The following TRIM10 variants were observed in gnomAD, a reference collection of about 807,000 sequenced individuals.
TRIM10 encodes the protein tripartite motif containing 10, also known as tripartite motif-containing protein 10.
A neutral mutation model predicts 40.0 loss-of-function variants in TRIM10; 42 were observed. The ratio of observed to expected loss-of-function variants is 1.05; its 90% confidence interval spans 0.82 to 1.36. The LOEUF (loss-of-function observed/expected upper bound fraction) is 1.36. Among genes scored for constraint, TRIM10 ranks in the 40% most tolerant of loss-of-function variants. The pLI, the probability that TRIM10 is intolerant of heterozygous loss-of-function variation, is 0.00. For missense variants in TRIM10, 601 were observed against 608.3 expected, an observed-to-expected ratio of 0.99 and a Z score of 0.13; for synonymous variants, 260 against 239.5, an observed-to-expected ratio of 1.09 and a Z score of -0.79.
chr6:30,156,565 A>ATCC (rs1772547745), intron 5 of TRIM10, among the ~76,000 whole-genome samples: 1 of 152,264 alleles, frequency 6.6e-6, no homozygotes, highest in Non-Finnish European at 1.5e-5. Context: ...GTTGTTGGCT[A>ATCC]TTAATTAACA....
Position 30,161,032 on chromosome 6 carries a change from T to C in TRIM10, c.-174A>G, listed in dbSNP as rs1399787654. ...CTTGCATCTCTGGCAGCCAGGGTTC[T>C]ATTCTCCTGCCAACAGCAGAGATGG... On this transcript the variant is annotated 5_prime_UTR_variant, in exon 1 of 7. In the 5' UTR this introduces an upstream ATG that the reference lacks. Transcript: ENST00000449742. The C allele has an allele frequency of 3.0e-6, 2 of 662,630 alleles. No homozygotes were observed. The highest frequency in any genetic ancestry group is 1.8e-5 in the African/African-American group (1 of 55,034). 41.0% of individuals were successfully genotyped at this position (662,630 alleles called of 1,614,324 possible). A position where few individuals can be genotyped will look rare whatever the true frequency, so the allele number is the denominator to read the frequency against.
At chr6:30,162,810 T>C (rs1026827258), upstream of TRIM10, among the ~76,000 whole-genome samples, 8 of 152,242 alleles carry the variant, frequency 5.3e-5, 1 homozygote, top group Admixed American at 3.9e-4. Context: ...AATGTAGTAA[T>C]ATAAAAATAC....
At chr6:30,154,677 A>T in intron 6 of TRIM10, 191 bp from the exon 7 acceptor site, 1 of 750,562 alleles carries the variant, frequency 1.3e-6, no homozygotes, top group Non-Finnish European at 2.3e-6. Flanking sequence ...CTGCATCCTA[A>T]CAAGATGCCC....
Position 30,154,596 on chromosome 6 carries a change from C to T in TRIM10, c.929-110G>A, listed in dbSNP as rs576649498. ...CTGTTAGTGTTATTATTACCAAAAA[C>T]ATGTATAGTGCCTACGTGGGCCAAC... is the stretch of plus-strand genomic sequence containing the variant. On this transcript the variant is annotated intron_variant, in intron 6 of 6. Coordinates refer to ENST00000449742, the MANE Select transcript of TRIM10 (RefSeq NM_006778.4). 1.3e-5 allele frequency: 18 copies of T among 1,395,688 alleles called. No homozygotes were observed. The African/African-American group carries it at 2.4e-4, about 19-fold the overall frequency. The allele number at this position is 1,395,688 out of a possible 1,614,324, so 86.5% of individuals were successfully genotyped here. A position where few individuals can be genotyped will look rare whatever the true frequency, so the allele number is the denominator to read the frequency against.
chr6:30,155,674 C>A, intron 6 of TRIM10, 53 bp downstream of exon 6: 1 of 1,594,116 alleles, frequency 6.3e-7, no homozygotes, highest in Non-Finnish European at 8.6e-7. Flanking sequence ...GCAAAATTTT[C>A]TCTCCTTTCC....
At chr6:30,158,358 AG>A in intron 3 of TRIM10, 40 bp downstream of exon 3, 1 of 1,535,970 alleles carries the variant, frequency 6.5e-7, no homozygotes, top group Non-Finnish European at 9.0e-7. Flanking sequence ...CAAGAGTCAC[AG>A]GACAGCACAG....
chr6:30,156,776 C>T (rs868364317), intron 5 of TRIM10, 163 bp downstream of exon 5: 7 of 711,972 alleles, frequency 9.8e-6, no homozygotes, highest in Admixed American at 4.0e-5. Context: ...GTCACAATAT[C>T]CTAATAGGCA....
At chr6:30,163,721 C>G, upstream of TRIM10, 1 of 1,612,484 alleles carries the variant, frequency 6.2e-7, no homozygotes, top group Non-Finnish European at 8.5e-7. Flanking sequence ...GGTCCATGAG[C>G]TGCCTGCCTG....
upstream of TRIM10, among the ~76,000 whole-genome samples, chr6:30,161,733 CATAA>C (rs1217132373): frequency 1.3e-5 from 2 of 152,146 alleles, no homozygotes; most frequent in Non-Finnish European, 2.9e-5. Flanking sequence ...GGTGAGTGAC[CATAA>C]ATAATTTGCT....
At chr6:30,159,095 G>T in intron 2 of TRIM10, 55 bp downstream of exon 2, 1 of 1,194,726 alleles carries the variant, frequency 8.4e-7, no homozygotes, top group Non-Finnish European at 1.2e-6. Flanking sequence ...TCAGTTTCAG[G>T]AAGACACTGG....
upstream of TRIM10, chr6:30,163,960 C>G: frequency 1.2e-6 from 2 of 1,613,124 alleles, no homozygotes; most frequent in Non-Finnish European, 1.7e-6. Flanking sequence ...AGATCTACTT[C>G]TTCTGCGAGA....
rs1379627762 is a variant in TRIM10, at chr6:30,161,131, G to T, written c.-273C>A. 1.3e-5 allele frequency among the ~76,000 whole-genome samples: 2 copies of T among 152,144 alleles called. No individual in the cohort carries two copies. The highest frequency in any genetic ancestry group is 1.9e-4 in the East Asian group (1 of 5,196). ...TGACCTTAGATGACCATAACCAGGGGCTGGCCATTCCTTTCTGCCCATCCA... is the reference window on the plus strand; with the variant it reads ...TGACCTTAGATGACCATAACCAGGGTCTGGCCATTCCTTTCTGCCCATCCA... On this transcript the variant is annotated 5_prime_UTR_variant, in exon 1 of 7. Coordinates refer to ENST00000449742, the MANE Select transcript of TRIM10 (RefSeq NM_006778.4).
At chr6:30,159,023 G>A (rs2127444492) in intron 2 of TRIM10, 127 bp downstream of exon 2, 1 of 659,286 alleles carries the variant, frequency 1.5e-6, no homozygotes, top group Non-Finnish European at 2.7e-6. Context: ...AGGTCATAGA[G>A]TTAGTGTCAG....
chr6:30,163,640 G>T (rs1306853871), upstream of TRIM10: 2 of 1,550,568 alleles, frequency 1.3e-6, no homozygotes, highest in Non-Finnish European at 1.7e-6. Context: ...GGGAACTCGC[G>T]TGGGCTGAGG....
At chr6:30,156,295 C>A (rs1161891232) in intron 5 of TRIM10, among the ~76,000 whole-genome samples, 2 of 152,242 alleles carry the variant, frequency 1.3e-5, no homozygotes, top group East Asian at 3.9e-4. Context: ...TCTAGGGTGA[C>A]ATAACTGTGG....
rs1244543170 is a variant in TRIM10 at position 30,154,499 on chromosome 6, C to T, written c.929-13G>A. The T allele has an allele frequency of 2.5e-6, 4 of 1,606,408 alleles. No homozygotes were observed. The highest frequency in any genetic ancestry group is 2.5e-6 in the Non-Finnish European group (3 of 1,179,202). ...AGAGAAATGTGAGCTGTGGGGATAA[C>T]CAAAAGGGACAGATGTCAGCAGACA... On this transcript the variant is annotated splice_polypyrimidine_tract_variant and intron_variant, in intron 6 of 6. Transcript: ENST00000449742.
At chr6:30,158,963 T>A (rs956599627) in intron 2 of TRIM10, among the ~76,000 whole-genome samples, 187 bp downstream of exon 2, 2 of 152,226 alleles carry the variant, frequency 1.3e-5, no homozygotes, top group Non-Finnish European at 2.9e-5. Flanking sequence ...TCATGATGAT[T>A]TTTACTCTCC....
At chr6:30,161,797 C>A (rs571131678), upstream of TRIM10, among the ~76,000 whole-genome samples, 2 of 152,100 alleles carry the variant, frequency 1.3e-5, no homozygotes, top group African/African-American at 2.4e-5. Context: ...GCAAAGTGAG[C>A]CACATATGCA....
In TRIM10 at chr6:30,159,863, T is replaced by G. The variant is rs548612505; in HGVS notation, c.429+567A>C. ...CTAATTAAGACATCCACACACAGAC[T>G]TGTACTAAAACATAATTCATAAGCA... On this transcript the variant is annotated intron_variant, in intron 1 of 6. Transcript: ENST00000449742. 1.2e-4 allele frequency among the ~76,000 whole-genome samples: 18 copies of G among 152,274 alleles called. No homozygotes were observed. The East Asian group carries it at 2.9e-3, about 24-fold the overall frequency.
Sources: gnomAD v4.1 joint callset for allele counts (sites outside exome capture counted in the v4.1 genomes callset) on GRCh38, gnomAD v4.1.1 for gene constraint, MANE v1.5 for transcripts, NCBI Gene and HGNC (gene_info 2026-07-23, HGNC 2026-07-21) for gene names.